Variants in MRPS6 observed in about 807,000 individuals in gnomAD.
MRPS6 encodes the protein small ribosomal subunit protein bS6m.
MRPS6 carries 6 observed loss-of-function variants against 13.1 expected under a neutral mutation model. The observed-to-expected ratio is 0.46, with a 90% CI of 0.25 to 0.91. MRPS6 has a LOEUF of 0.91. Among genes scored for constraint, MRPS6 ranks in the 40% least tolerant of loss-of-function variants. The pLI is 0.18. For synonymous variants in MRPS6, 61 were observed against 56.5 expected (o/e 1.08, Z -0.36); for missense variants, 164 against 155.6 (o/e 1.05, Z -0.29).
intron 1 of MRPS6, among the ~76,000 whole-genome samples, chr21:34,076,442 A>G (rs747081935): frequency 2.0e-5 from 3 of 152,218 alleles, no homozygotes; most frequent in Admixed American, 6.5e-5. Context: ...AGAGTCAGTC[A>G]TATTGAACTA....
intron 1 of MRPS6, among the ~76,000 whole-genome samples, chr21:34,114,598 A>G (rs1979830496): frequency 6.6e-6 from 1 of 152,208 alleles, no homozygotes; most frequent in Non-Finnish European, 1.5e-5. Context: ...AGGTGATTCA[A>G]GTGCTGAGAA....
chr21:34,094,585 C>CTG (rs1207672559), intron 1 of MRPS6, among the ~76,000 whole-genome samples: 5 of 152,156 alleles, frequency 3.3e-5, no homozygotes, highest in African/African-American at 1.2e-4. Context: ...AAGGGCAATG[C>CTG]TGTGGTAGGC....
chr21:34,086,823 G>A (rs1428949300), intron 1 of MRPS6, among the ~76,000 whole-genome samples: 51 of 5,538 alleles, frequency 9.2e-3, no homozygotes, highest in Non-Finnish European at 3.6e-3. Context: ...AGTTGTAATG[G>A]AGAGGTGGAA....
chr21:34,126,459 G>A (rs1325747932), intron 2 of MRPS6, among the ~76,000 whole-genome samples: 2 of 152,208 alleles, frequency 1.3e-5, no homozygotes, highest in Admixed American at 1.3e-4. Context: ...GCTTCACCTT[G>A]TTTTGTGCTA....
At chr21:34,113,183 C>T (rs1478098636) in intron 1 of MRPS6, among the ~76,000 whole-genome samples, 1 of 152,100 alleles carries the variant, frequency 6.6e-6, no homozygotes, top group African/African-American at 2.4e-5. Context: ...ATGGAGATTT[C>T]TCAAAATATT....
intron 1 of MRPS6, among the ~76,000 whole-genome samples, chr21:34,114,342 G>A (rs546738937): frequency 6.6e-6 from 1 of 152,230 alleles, no homozygotes; most frequent in East Asian, 1.9e-4. Context: ...AAACTTTTAT[G>A]TTCCTTAAAT....
intron 1 of MRPS6, chr21:34,097,878 C>G: frequency 1.0e-6 from 1 of 997,558 alleles, no homozygotes; most frequent in Non-Finnish European, 1.2e-6. Context: ...TTGCCAGGTT[C>G]ATTTTGTTAG....
At chr21:34,120,028 G>A (rs1980064862) in intron 1 of MRPS6, among the ~76,000 whole-genome samples, 1 of 152,200 alleles carries the variant, frequency 6.6e-6, no homozygotes, top group South Asian at 2.1e-4. Flanking sequence ...GACCCTTTTA[G>A]AAGATCATTG....
intron 1 of MRPS6, among the ~76,000 whole-genome samples, chr21:34,113,187 A>G (rs1380659375): frequency 2.6e-5 from 4 of 152,208 alleles, no homozygotes; most frequent in Admixed American, 6.5e-5. Flanking sequence ...AGATTTCTCA[A>G]AATATTAAAA....
chr21:34,114,995 G>A (rs1395479079), intron 1 of MRPS6, among the ~76,000 whole-genome samples: 1 of 152,182 alleles, frequency 6.6e-6, no homozygotes, highest in Non-Finnish European at 1.5e-5. Context: ...GGATGGGTAA[G>A]TGTAGTTTAT....
intron 1 of MRPS6, among the ~76,000 whole-genome samples, chr21:34,075,467 A>G (rs1201598411): frequency 1.3e-5 from 2 of 152,116 alleles, no homozygotes; most frequent in African/African-American, 2.4e-5. Context: ...TTTTCACTCT[A>G]GTTCAGATCA....
chr21:34,098,785 A>G, intron 1 of MRPS6: 2 of 1,000,266 alleles, frequency 2.0e-6, no homozygotes, highest in South Asian at 9.4e-5. Context: ...ATGTTAGAGA[A>G]AAGCTCTACA....
In MRPS6 at chr21:34,096,848, G is replaced by T. The variant is rs760014481; in HGVS notation, c.45+23103G>T. 4 of 1,613,942 alleles carry T rather than the reference G, an allele frequency of 2.5e-6. No individual in the cohort carries two copies. Among genetic ancestry groups the T allele is most frequent in the African/African-American group, 2.7e-5 (2 of 74,894 alleles). ...GAACCACCACCTTTTGGTCTAAGAA[G>T]AACCTGGTGGTGAAGGAGAACTGCT... is the stretch of plus-strand genomic sequence containing the variant. On this transcript the variant is annotated intron_variant, in intron 1 of 2. Coordinates refer to ENST00000399312, the MANE Select transcript of MRPS6 (RefSeq NM_032476.4). The surrounding 1 kb of genome is among the most constrained non-coding windows in gnomAD (Gnocchi z 5.9).
At chr21:34,099,863 T>G (rs1979155474) in intron 1 of MRPS6, 1 of 438,554 alleles carries the variant, frequency 2.3e-6, no homozygotes, top group Non-Finnish European at 3.2e-6. Context: ...CTTGTCTTTC[T>G]TATTGCTTCC....
At chr21:34,073,873 G>A in intron 1 of MRPS6, 128 bp downstream of exon 1, 1 of 413,322 alleles carries the variant, frequency 2.4e-6, no homozygotes, top group Non-Finnish European at 3.3e-6. Context: ...AGGCCGGGGC[G>A]GCGGGCGGGC....
At chr21:34,128,659 C>T (rs779802247) in intron 2 of MRPS6, among the ~76,000 whole-genome samples, 3 of 152,178 alleles carry the variant, frequency 2.0e-5, no homozygotes, top group African/African-American at 4.8e-5. Flanking sequence ...TAACTGAGAA[C>T]TTATTTTCCC....
intron 2 of MRPS6, among the ~76,000 whole-genome samples, chr21:34,139,103 G>A (rs932745654): frequency 1.7e-4 from 25 of 146,478 alleles, no homozygotes; most frequent in African/African-American, 5.3e-4. Flanking sequence ...ACCAAACACC[G>A]CATGTTCTCA....
chr21:34,129,429 C>CAA (rs772800859), intron 2 of MRPS6, among the ~76,000 whole-genome samples: 1 of 152,174 alleles, frequency 6.6e-6, no homozygotes, highest in Non-Finnish European at 1.5e-5. Flanking sequence ...GGCTGGCTTC[C>CAA]AAATGCCTGT....
At chr21:34,092,147 T>A (rs1319315347) in intron 1 of MRPS6, among the ~76,000 whole-genome samples, 1 of 151,326 alleles carries the variant, frequency 6.6e-6, no homozygotes, top group African/African-American at 2.4e-5. Flanking sequence ...TATAACATAC[T>A]GTATATTCAG....
Sources: allele counts gnomAD v4.1 joint callset (sites outside exome capture counted in the v4.1 genomes callset), GRCh38; gene constraint gnomAD v4.1.1; non-coding constraint Gnocchi (gnomAD v3.1); transcripts MANE v1.5; gene names NCBI Gene and HGNC (gene_info 2026-07-23, HGNC 2026-07-21).